The following COL5A1 variants were observed in gnomAD, a reference collection of about 807,000 sequenced individuals.
COL5A1 encodes the protein collagen alpha-1(V) chain.
Under a neutral mutation model 263.7 loss-of-function variants are expected in COL5A1, and 16 were observed. The ratio of observed to expected loss-of-function variants is 0.06; its 90% confidence interval spans 0.04 to 0.09. The LOEUF (loss-of-function observed/expected upper bound fraction) is 0.09, where lower values mean the gene tolerates loss of function less well. Ranked by LOEUF, COL5A1 falls within the 10% of genes least tolerant of loss-of-function variation. The pLI is 1.00. For missense variants in COL5A1, 2,036 were observed against 2,540.5 expected (o/e 0.80, Z 4.27); for synonymous variants, 1,012 against 1,004.5 (o/e 1.01, Z -0.14).
In COL5A1 at chr9:134,758,925, G is replaced by A. The variant is rs186713802; in HGVS notation, c.1935+629G>A. Among the ~76,000 whole-genome samples the A allele has an allele frequency of 6.6e-6, 1 of 152,254 alleles. No homozygotes were observed. The highest frequency in any genetic ancestry group is 2.4e-5 in the African/African-American group (1 of 41,522). ...ATAAACGGCAACAGCCAAGCCCCTC[G>A]AATCTTGAATCTGTCTCAATAGACT... is the stretch of plus-strand genomic sequence containing the variant. On this transcript the variant is annotated intron_variant, in intron 18 of 65. Coordinates refer to ENST00000371817, the MANE Select transcript of COL5A1 (RefSeq NM_000093.5). The surrounding 1 kb of genome is among the most constrained non-coding windows in gnomAD (Gnocchi z 4.1).
intron 1 of COL5A1, among the ~76,000 whole-genome samples, chr9:134,664,424 TAAG>T (rs1832298101): frequency 6.6e-6 from 1 of 151,156 alleles, no homozygotes; most frequent in Non-Finnish European, 1.5e-5. Flanking sequence ...CTGGTCACCG[TAAG>T]AAGAGAATCT....
At chr9:134,739,689 T>C (rs964530490) in intron 11 of COL5A1, among the ~76,000 whole-genome samples, 6 of 152,074 alleles carry the variant, frequency 3.9e-5, no homozygotes, top group Admixed American at 3.9e-4. Context: ...GCAGCAGTGC[T>C]CAGGAAAGGC....
At chr9:134,735,756 CGG>C (rs1384572870) in intron 9 of COL5A1, among the ~76,000 whole-genome samples, 1 of 152,200 alleles carries the variant, frequency 6.6e-6, no homozygotes, top group Admixed American at 6.5e-5. Flanking sequence ...TTGTCAGAGA[CGG>C]AAATTGGAAA....
chr9:134,766,479 C>T lies in COL5A1; in HGVS notation c.2114C>T (p.Pro705Leu), dbSNP rs375456811. The change falls in exon 22 of 66, where the codon CCG (proline) becomes CTG (leucine). Residue 705 changes from proline to leucine, a missense_variant. By Grantham distance (98) the Pro-to-Leu change is moderately conservative. Coordinates refer to ENST00000371817, the MANE Select transcript of COL5A1 (RefSeq NM_000093.5). ...GGTGTCACGGGTATGGACGGCCAGC[C>T]GGGGCCAAAAGGAAATGTGGTAAGT... ...PPGVTGMDGQ[P>L]GPKGNVGPQG... is the part of the protein sequence containing the mutation. The T allele has an allele frequency of 1.2e-5, 19 of 1,614,044 alleles. No homozygotes were observed. In the East Asian group the frequency reaches 1.3e-4, roughly 11 times the overall value.
At chr9:134,760,262 CTG>C (rs1836296036) in intron 18 of COL5A1, among the ~76,000 whole-genome samples, 11 of 117,518 alleles carry the variant, frequency 9.4e-5, no homozygotes, top group African/African-American at 3.6e-4. Flanking sequence ...ACACCCCACA[CTG>C]ATACACACAT....
intron 1 of COL5A1, among the ~76,000 whole-genome samples, chr9:134,685,448 T>TC (rs1564386512): frequency 5.4e-3 from 4 of 738 alleles, no homozygotes; most frequent in African/African-American, 6.6e-3. Flanking sequence ...CCATTGTCCA[T>TC]CATCCATCCA....
At chr9:134,731,711 G>A in intron 8 of COL5A1, 48 bp downstream of exon 8, 1 of 1,562,788 alleles carries the variant, frequency 6.4e-7, no homozygotes, top group South Asian at 1.2e-5. Flanking sequence ...GGGGCTGGTG[G>A]GGCATCATGG....
intron 24 of COL5A1, 101 bp from the exon 25 acceptor site, chr9:134,768,309 C>G: frequency 9.4e-7 from 1 of 1,068,822 alleles, no homozygotes; most frequent in Non-Finnish European, 1.5e-6. Context: ...TCAGCAAATG[C>G]TGTGTGGGCA....
chr9:134,652,116 C>T lies in COL5A1; in HGVS notation c.109+9820C>T, dbSNP rs140836990. ...GTCGAGGTGGGGTGAAGGGCGTTCT[C>T]GAGGGAAGGGTAGGGAACGATTTCT... On this transcript the variant is annotated intron_variant, in intron 1 of 65. Coordinates refer to ENST00000371817, the MANE Select transcript of COL5A1 (RefSeq NM_000093.5). This position sits in a 1 kb window ranked among gnomAD's most constrained non-coding sequence, Gnocchi z 4.4. Among the ~76,000 whole-genome samples the T allele has an allele frequency of 7.7e-3, 1,177 of 152,080 alleles. 50 individuals carry two copies. The highest frequency in any genetic ancestry group is 0.069 in the Admixed American group (1,055 of 15,282).
At chr9:134,670,757 A>G (rs1332980845) in intron 1 of COL5A1, among the ~76,000 whole-genome samples, 1 of 152,198 alleles carries the variant, frequency 6.6e-6, no homozygotes, top group Non-Finnish European at 1.5e-5. Context: ...CCCAGCAGAC[A>G]TTCACTAGAT....
At chr9:134,807,927 A>G (rs1302747007) in intron 42 of COL5A1, among the ~76,000 whole-genome samples, 2 of 152,140 alleles carry the variant, frequency 1.3e-5, no homozygotes, top group African/African-American at 2.4e-5. Flanking sequence ...TGCTCTATCC[A>G]GGCAGAAGCT....
rs1169957817 is a variant in COL5A1, at chr9:134,804,134, GA to G, written c.3115-834del. On this transcript the variant is annotated intron_variant, in intron 39 of 65. Transcript: ENST00000371817. Reference sequence around the variant, plus strand: ...AAAGTGAAGCAAATGAAGAAATACTGAAAAAAATCACACACCCGGGTGTGCA... The same window carrying G: ...AAAGTGAAGCAAATGAAGAAATACTGAAAAAATCACACACCCGGGTGTGCA... Among the ~76,000 whole-genome samples the G allele has an allele frequency of 7.2e-5, 11 of 152,090 alleles. No homozygotes were observed. The Middle Eastern group carries it at 0.01, about 142-fold the overall frequency.
intron 4 of COL5A1, among the ~76,000 whole-genome samples, chr9:134,705,103 T>C (rs4842145): frequency 0.5 from 76,141 of 152,016 alleles, 19,451 homozygotes; most frequent in Admixed American, 0.64. Context: ...AGAGTTATAC[T>C]GAACAAGGAT....
At chr9:134,706,243 A>G (rs931462647) in intron 4 of COL5A1, among the ~76,000 whole-genome samples, 3 of 152,194 alleles carry the variant, frequency 2.0e-5, no homozygotes, top group Non-Finnish European at 4.4e-5. Context: ...CACTGGTGTC[A>G]GAGGAGGACT....
At chr9:134,820,546 T>C (rs1010548048) in intron 58 of COL5A1, among the ~76,000 whole-genome samples, 3 of 152,170 alleles carry the variant, frequency 2.0e-5, no homozygotes, top group Non-Finnish European at 4.4e-5. Flanking sequence ...GGAGAGCCTG[T>C]CACCCACCGC....
At chr9:134,654,640 TGGA>T (rs1488497737) in intron 1 of COL5A1, among the ~76,000 whole-genome samples, 2 of 118,300 alleles carry the variant, frequency 1.7e-5, no homozygotes, top group Non-Finnish European at 3.5e-5. Flanking sequence ...TGTGTAGGGC[TGGA>T]GGTGTGTAGG....
At chr9:134,830,414 C>T (rs377218132) in intron 64 of COL5A1, 60 of 587,534 alleles carry the variant, frequency 1.0e-4, no homozygotes, top group Non-Finnish European at 1.5e-4. Context: ...CTGTGTAGGG[C>T]GCGCAGAGCT....
intron 1 of COL5A1, among the ~76,000 whole-genome samples, chr9:134,656,000 A>C (rs1255813479): frequency 1.3e-5 from 2 of 152,082 alleles, no homozygotes; most frequent in African/African-American, 4.8e-5. Context: ...TCTGGGATTG[A>C]CTGGAAGCAA....
In COL5A1 at chr9:134,652,781, T is replaced by C. The variant is rs1273223906; in HGVS notation, c.109+10485T>C. ...CTTAGGCCGGGTCCAGCGTTTCTCC[T>C]CATGGTGTAGACCAGCAGTTCCCAA... On this transcript the variant is annotated intron_variant, in intron 1 of 65. Coordinates refer to ENST00000371817, the MANE Select transcript of COL5A1 (RefSeq NM_000093.5). This position sits in a 1 kb window ranked among gnomAD's most constrained non-coding sequence, Gnocchi z 4.4. The C allele has an allele frequency of 4.3e-6, 2 of 469,846 alleles. No individual in the cohort carries two copies. The highest frequency in any genetic ancestry group is 4.7e-5 in the Admixed American group (2 of 42,488). 29.1% of individuals were successfully genotyped at this position (469,846 alleles called of 1,614,324 possible).
Sources: allele counts gnomAD v4.1 joint callset (sites outside exome capture counted in the v4.1 genomes callset), GRCh38; gene constraint gnomAD v4.1.1; non-coding constraint Gnocchi (gnomAD v3.1); transcripts MANE v1.5; gene names NCBI Gene and HGNC (gene_info 2026-07-23, HGNC 2026-07-21).